Variants in WDR17 observed in about 807,000 individuals in gnomAD.
The protein encoded by WDR17 is WD repeat-containing protein 17.
WDR17 carries 143 observed loss-of-function variants against 161.7 expected under a neutral mutation model. That is an observed-to-expected ratio of 0.88 (90% CI 0.77 to 1.02). WDR17 has a LOEUF of 1.02. Among genes scored for constraint, WDR17 ranks in the 50% least tolerant of loss-of-function variants. The pLI is 0.00. For synonymous variants in WDR17, 517 were observed against 515.6 expected, an observed-to-expected ratio of 1.00 and a Z score of -0.04; for missense variants, 1,469 against 1,520.9, an observed-to-expected ratio of 0.97 and a Z score of 0.57.
intron 1 of WDR17, among the ~76,000 whole-genome samples, chr4:176,082,326 G>A (rs1734852861): frequency 6.6e-6 from 1 of 151,830 alleles, no homozygotes; most frequent in South Asian, 2.1e-4. Context: ...GTATACTCGG[G>A]GTGATGAAAC....
chr4:176,094,288 TTCAC>T (rs1444518320), intron 1 of WDR17, among the ~76,000 whole-genome samples: 2 of 152,196 alleles, frequency 1.3e-5, no homozygotes, highest in Non-Finnish European at 2.9e-5. Context: ...CATGTGCCAA[TTCAC>T]TCAACATACA....
chr4:176,131,929 A>G (rs1387165516), intron 7 of WDR17, among the ~76,000 whole-genome samples, 191 bp downstream of exon 7: 1 of 152,102 alleles, frequency 6.6e-6, no homozygotes, highest in Non-Finnish European at 1.5e-5. Context: ...ATAACTTTTA[A>G]CCACTATACT....
At position 176,162,159 on chromosome 4, in the gene WDR17, C is replaced by A; in HGVS notation, c.2835C>A (p.Ala945=). 6.2e-7 allele frequency: 1 copy of A among 1,612,374 alleles called. No homozygotes were observed. The highest frequency in any genetic ancestry group is 2.2e-5 in the East Asian group (1 of 44,810). ...TACTAGCCGCATGTTGCCATCTTGC[C>A]ATAGATAATATTGAGGTACGACATT... ...RAVLAACCHL[A]IDNIELAMAY... Residue 945 remains alanine, a synonymous_variant, in exon 21 of 29, where the codon GCC becomes GCA. Transcript: ENST00000508596.
chr4:176,133,926 A>G (rs975475444), intron 7 of WDR17, among the ~76,000 whole-genome samples: 7 of 151,782 alleles, frequency 4.6e-5, no homozygotes, highest in African/African-American at 1.2e-4. Flanking sequence ...AAACATTTAC[A>G]ATTTTGTTCT....
At chr4:176,112,293 A>C (rs1449841530) in intron 2 of WDR17, among the ~76,000 whole-genome samples, 1 of 152,138 alleles carries the variant, frequency 6.6e-6, no homozygotes, top group African/African-American at 2.4e-5. Context: ...TATGTTCCTC[A>C]TATCTTTCTC....
chr4:176,083,594 A>G (rs1408603140), intron 1 of WDR17, among the ~76,000 whole-genome samples: 1 of 152,142 alleles, frequency 6.6e-6, no homozygotes, highest in Non-Finnish European at 1.5e-5. Context: ...TTGTACTATT[A>G]AAGTATACTT....
intron 21 of WDR17, 86 bp downstream of exon 21, chr4:176,162,260 T>C (rs1280497202): frequency 1.6e-6 from 2 of 1,213,888 alleles, no homozygotes; most frequent in Non-Finnish European, 2.3e-6. Context: ...GGTGACTTTC[T>C]ATGTGAGATC....
chr4:176,136,264 C>T (rs1426518848), intron 8 of WDR17, among the ~76,000 whole-genome samples: 7 of 151,596 alleles, frequency 4.6e-5, no homozygotes, highest in African/African-American at 1.7e-4. Flanking sequence ...CAGAACATAA[C>T]TGAGCCTATT....
At chr4:176,150,617 T>G (rs770933218) in intron 16 of WDR17, 24 bp downstream of exon 16, 1 of 1,556,444 alleles carries the variant, frequency 6.4e-7, no homozygotes. Context: ...GCAAATATGA[T>G]GTACTCAAGC....
In WDR17 at chr4:176,120,064, C is replaced by A; in HGVS notation, c.505C>A (p.His169Asn). Residue 169 changes from histidine to asparagine, a missense_variant, in exon 4 of 29, where the codon CAT becomes AAT. Transcript: ENST00000508596. ...CCAAAAGGGGAAAGTTGTGTTTGGT[C>A]ATATTGATGGAAGTCTATCAATTTT... ...THQKGKVVFG[H>N]IDGSLSIFHP... 2 of 1,613,720 alleles carry A rather than the reference C, an allele frequency of 1.2e-6. No individual in the cohort carries two copies. Among genetic ancestry groups the A allele is most frequent in the South Asian group, 2.2e-5 (2 of 91,012 alleles).
intron 3 of WDR17, among the ~76,000 whole-genome samples, chr4:176,116,276 CAG>C: frequency 6.6e-6 from 1 of 151,634 alleles, no homozygotes; most frequent in African/African-American, 2.4e-5. Flanking sequence ...AAATAATAAT[CAG>C]AAAGATTTTG....
At position 176,151,876 on chromosome 4, in the gene WDR17, C is replaced by T; in HGVS notation, c.2369C>T (p.Ala790Val). The change falls in exon 17 of 29, where the codon GCT becomes GTT. Residue 790 changes from alanine to valine, a missense_variant. Coordinates refer to ENST00000508596, the MANE Select transcript of WDR17 (RefSeq NM_181265.4). The part of the protein sequence containing the change: ...SKFGGGIGVP[A>V]KEERLKEAAE... ...TTTGGTGGTGGTATTGGTGTACCTG[C>T]TAAAGAGGAAAGACTGAAGGAAGCT... 6.2e-7 allele frequency: 1 copy of T among 1,612,784 alleles called. No homozygotes were observed. The highest frequency in any genetic ancestry group is 8.5e-7 in the Non-Finnish European group (1 of 1,179,458).
At chr4:176,172,006 G>A (rs897982721) in intron 23 of WDR17, among the ~76,000 whole-genome samples, 2 of 152,114 alleles carry the variant, frequency 1.3e-5, no homozygotes, top group Admixed American at 1.3e-4. Flanking sequence ...ATTTAATGTC[G>A]TTTTTGCGCC....
At chr4:176,110,505 AT>A (rs1016420268) in intron 1 of WDR17, among the ~76,000 whole-genome samples, 2 of 152,150 alleles carry the variant, frequency 1.3e-5, no homozygotes, top group Admixed American at 1.3e-4. Flanking sequence ...TTTAAAAGGC[AT>A]TTTTTGTCAA....
chr4:176,155,261 C>G (rs891335354), intron 17 of WDR17, among the ~76,000 whole-genome samples: 4 of 151,852 alleles, frequency 2.6e-5, no homozygotes, highest in African/African-American at 9.7e-5. Flanking sequence ...CTTTCTTTCT[C>G]TCAGGTTTAG....
rs770317726 is a variant in WDR17, at chr4:176,148,343, G to A, written c.1897+8G>A. On this transcript the variant is annotated splice_region_variant and intron_variant, in intron 13 of 28. Transcript: ENST00000508596. ...ACGGTGCAGATGTATATGGTAGAGT[G>A]TCTTTCATTCTTTCATGTATTTGTT... 1 of 1,610,366 alleles carries A rather than the reference G, an allele frequency of 6.2e-7. No individual in the cohort carries two copies.
chr4:176,122,873 A>G (rs1267808860), intron 4 of WDR17, among the ~76,000 whole-genome samples: 1 of 152,174 alleles, frequency 6.6e-6, no homozygotes, highest in African/African-American at 2.4e-5. Flanking sequence ...CTATGTTTGT[A>G]TACTTATGTG....
At chr4:176,171,104 T>C (rs775634646) in intron 23 of WDR17, among the ~76,000 whole-genome samples, 2 of 152,238 alleles carry the variant, frequency 1.3e-5, no homozygotes, top group African/African-American at 2.4e-5. Context: ...GTACTCACAG[T>C]ACAGTTTCTA....
At chr4:176,101,761 G>T (rs1028483077) in intron 1 of WDR17, among the ~76,000 whole-genome samples, 13 of 152,078 alleles carry the variant, frequency 8.5e-5, no homozygotes, top group African/African-American at 3.1e-4. Context: ...AAGGAGCAAA[G>T]GCGATACAGT....
Sources: allele counts gnomAD v4.1 joint callset (sites outside exome capture counted in the v4.1 genomes callset), GRCh38; gene constraint gnomAD v4.1.1; transcripts MANE v1.5; gene names NCBI Gene and HGNC (gene_info 2026-07-23, HGNC 2026-07-21).